Variants in OR51B5 observed in about 807,000 individuals in gnomAD.
OR51B5 encodes olfactory receptor 51B5.
For synonymous variants in OR51B5, 186 were observed against 144.8 expected (o/e 1.28, Z -2.04); for missense variants, 456 against 374.6 (o/e 1.22, Z -1.79).
intron 1 of OR51B5, among the ~76,000 whole-genome samples, chr11:5,459,169 C>T (rs569646337): frequency 6.6e-6 from 1 of 152,222 alleles, no homozygotes; most frequent in Non-Finnish European, 1.5e-5. Context: ...TAAAAGGATG[C>T]TGAATTATGT....
chr11:5,385,960 A>T (rs1200067572), intron 1 of OR51B5, among the ~76,000 whole-genome samples: 1 of 149,654 alleles, frequency 6.7e-6, no homozygotes, highest in African/African-American at 2.4e-5. Flanking sequence ...ATATATCAAT[A>T]AGTATATATA....
intron 1 of OR51B5, among the ~76,000 whole-genome samples, chr11:5,413,751 C>A (rs1188426102): frequency 2.6e-5 from 4 of 151,848 alleles, no homozygotes; most frequent in African/African-American, 9.7e-5. Context: ...TAAAAAGAAA[C>A]GAGCAAAGCC....
chr11:5,366,557 C>T (rs543114320), intron 1 of OR51B5, among the ~76,000 whole-genome samples: 5 of 151,642 alleles, frequency 3.3e-5, no homozygotes, highest in Admixed American at 1.3e-4. Flanking sequence ...TGCAGTGAGC[C>T]GAGATCGCGC....
At chr11:5,373,556 A>T (rs1000733875) in intron 1 of OR51B5, among the ~76,000 whole-genome samples, 1 of 152,156 alleles carries the variant, frequency 6.6e-6, no homozygotes, top group Non-Finnish European at 1.5e-5. Context: ...ACAAGGGGTC[A>T]TGGAGTTCCC....
intron 1 of OR51B5, chr11:5,392,485 T>C (rs1442264824): frequency 6.6e-6 from 1 of 152,232 alleles, no homozygotes; most frequent in Non-Finnish European, 1.5e-5. Context: ...ACCACTGACA[T>C]CTAAATTTCA....
intron 1 of OR51B5, among the ~76,000 whole-genome samples, chr11:5,442,037 C>T (rs1267528193): frequency 6.6e-6 from 1 of 152,102 alleles, no homozygotes; most frequent in Non-Finnish European, 1.5e-5. Context: ...AGGCTTCTAC[C>T]TTCCAACCTT....
At chr11:5,487,271 A>AT (rs1035064891) in intron 1 of OR51B5, among the ~76,000 whole-genome samples, 2 of 152,130 alleles carry the variant, frequency 1.3e-5, no homozygotes, top group Non-Finnish European at 2.9e-5. Flanking sequence ...TAAATATCTT[A>AT]TTTTTTTAGG....
At position 5,391,540 on chromosome 11, in the gene OR51B5, C is replaced by G. The variant is rs1849795376; in HGVS notation, n.85-44630G>C. ...AATAAATATTAAATGTATGCGTGGA[C>G]ATATAGATACATAAAGAGGGATCCA... On this transcript the variant is annotated intron_variant and non_coding_transcript_variant, in intron 1 of 4. Coordinates refer to the OR51B5 transcript ENST00000415970. 6.6e-5 allele frequency: 10 copies of G among 152,310 alleles called. No individual in the cohort carries two copies. The South Asian group carries it at 2.1e-3, about 32-fold the overall frequency. The allele number at this position is 152,310 out of a possible 1,614,324, so 9.4% of individuals were successfully genotyped here.
intron 1 of OR51B5, chr11:5,352,366 C>T: frequency 6.2e-7 from 1 of 1,613,652 alleles, no homozygotes; most frequent in South Asian, 1.1e-5. Flanking sequence ...TTTTATGAAC[C>T]CATTTATCTA....
Position 5,423,014 on chromosome 11 carries a change from C to G in OR51B5, n.85-76104G>C, listed in dbSNP as rs771453975. The stretch of plus-strand genomic sequence containing the variant: ...TCATCGCTTTGCCAAGCATGCCTCT[C>G]CACTGGTCCATGTTATCATGGCCAA... On this transcript the variant is annotated intron_variant and non_coding_transcript_variant, in intron 1 of 4. Coordinates refer to the OR51B5 transcript ENST00000415970. 9 of 1,614,052 alleles carry G rather than the reference C, an allele frequency of 5.6e-6. No homozygotes were observed. In the African/African-American group the frequency reaches 1.2e-4, roughly 22 times the overall value.
downstream of OR51B5, among the ~76,000 whole-genome samples, chr11:5,342,188 G>T (rs1848905903): frequency 6.6e-6 from 1 of 152,148 alleles, no homozygotes; most frequent in Non-Finnish European, 1.5e-5. Context: ...AATTAGATTT[G>T]ACATAGTAAA....
intron 1 of OR51B5, among the ~76,000 whole-genome samples, chr11:5,424,960 C>T (rs1224004746): frequency 8.2e-5 from 7 of 84,906 alleles, no homozygotes; most frequent in South Asian, 3.6e-4. Context: ...CCAGCCTGGG[C>T]GACAGAGTGA....
intron 1 of OR51B5, among the ~76,000 whole-genome samples, chr11:5,441,839 A>G (rs78467220): frequency 2.0e-3 from 298 of 152,318 alleles, no homozygotes; most frequent in African/African-American, 6.7e-3. Flanking sequence ...AATGCATCCT[A>G]GGCTTTGGAA....
At chr11:5,376,044 T>G (rs571868982) in intron 1 of OR51B5, among the ~76,000 whole-genome samples, 1 of 152,118 alleles carries the variant, frequency 6.6e-6, no homozygotes, top group Non-Finnish European at 1.5e-5. Flanking sequence ...TATTCCAAAA[T>G]TGACCACATA....
intron 1 of OR51B5, chr11:5,390,423 C>G (rs951115273): frequency 1.4e-6 from 2 of 1,479,436 alleles, no homozygotes. Context: ...AAGAAGGCCC[C>G]AAATTGGACT....
downstream of OR51B5, chr11:5,342,473 ACACCTATTTTAC>A: frequency 7.8e-7 from 1 of 1,280,582 alleles, no homozygotes; most frequent in Non-Finnish European, 1.0e-6. Flanking sequence ...CTGTATTTTA[ACACCTATTTTAC>A]CAAGTCATAT....
chr11:5,417,918 A>G (rs1350887216), intron 1 of OR51B5, among the ~76,000 whole-genome samples: 2 of 135,490 alleles, frequency 1.5e-5, no homozygotes, highest in Admixed American at 8.0e-5. Flanking sequence ...CTGGGTATAT[A>G]CCCAAAGGAC....
Position 5,352,395 on chromosome 11 carries a change from G to A in OR51B5, n.85-5485C>T, listed in dbSNP as rs1360142297. On this transcript the variant is annotated intron_variant and non_coding_transcript_variant, in intron 1 of 4. Coordinates refer to the OR51B5 transcript ENST00000415970. ...TTATCTATAGCATTAAAACTAAGCAGATTCAGAGTGGCATACTTCGTTTAT... is the reference window on the plus strand; with the variant it reads ...TTATCTATAGCATTAAAACTAAGCAAATTCAGAGTGGCATACTTCGTTTAT... 10 of 1,612,590 alleles carry A rather than the reference G, an allele frequency of 6.2e-6. No individual in the cohort carries two copies. In the Middle Eastern group the frequency reaches 9.9e-4, roughly 160 times the overall value.
chr11:5,476,933 C>T (rs2340350), intron 1 of OR51B5, among the ~76,000 whole-genome samples: 2,980 of 152,266 alleles, frequency 0.02, 60 homozygotes, highest in East Asian at 0.059. Context: ...AGATATTGGT[C>T]AAAAGGTACA....
Sources: allele counts gnomAD v4.1 joint callset (sites outside exome capture counted in the v4.1 genomes callset), GRCh38; gene constraint gnomAD v4.1.1; transcripts MANE v1.5; gene names NCBI Gene and HGNC (gene_info 2026-07-23, HGNC 2026-07-21).